The following PFKFB3 variants were observed in gnomAD, a reference collection of about 807,000 sequenced individuals.
The protein encoded by PFKFB3 is 6-phosphofructo-2-kinase/fructose-2,6-biphosphatase 3.
Under a neutral mutation model 68.0 loss-of-function variants are expected in PFKFB3, and 33 were observed. The ratio of observed to expected loss-of-function variants is 0.49; its 90% confidence interval spans 0.37 to 0.65. PFKFB3 has a LOEUF of 0.65. Among genes scored for constraint, PFKFB3 ranks in the 30% least tolerant of loss-of-function variants. The probability of loss-of-function intolerance (pLI) is 0.00; values close to 1 mark genes in which losing one functional copy is unlikely to be tolerated. For missense variants in PFKFB3, 586 were observed against 712.2 expected (o/e 0.82, Z 2.02); for synonymous variants, 315 against 288.2 (o/e 1.09, Z -0.94).
chr10:6,268,380 G>A, the PFKFB3 span, among the ~76,000 whole-genome samples: 1 of 151,956 alleles, frequency 6.6e-6, no homozygotes, highest in African/African-American at 2.4e-5. Flanking sequence ...GGCTAGGCAC[G>A]GTGGCTCATG....
the PFKFB3 span, chr10:6,294,378 C>G: frequency 3.1e-6 from 1 of 319,434 alleles, no homozygotes; most frequent in South Asian, 2.8e-5. Flanking sequence ...GCCTCACAGT[C>G]ATGGTGGAAG....
chr10:6,277,978 A>G, the PFKFB3 span, among the ~76,000 whole-genome samples: 1 of 150,886 alleles, frequency 6.6e-6, no homozygotes, highest in Non-Finnish European at 1.5e-5. Flanking sequence ...GTGCAGTGGC[A>G]CCATCTCTGG....
chr10:6,234,068 G>C lies in PFKFB3; in HGVS notation c.*1126G>C, dbSNP rs568541518. On this transcript the variant is annotated 3_prime_UTR_variant, in exon 15 of 15. Coordinates refer to ENST00000379775, the MANE Select transcript of PFKFB3 (RefSeq NM_004566.4). ...TTTGTCCTGGCCTTCCCTTCATGGC[G>C]TCTATGACACTTTTGTGGTGATGGA... 1 of 152,424 alleles carries C rather than the reference G, an allele frequency of 6.6e-6. No homozygotes were observed. The highest frequency in any genetic ancestry group is 1.5e-5 in the Non-Finnish European group (1 of 68,098). The allele number at this position is 152,424 out of a possible 1,614,324, so 9.4% of individuals were successfully genotyped here.
At chr10:6,225,787 T>C (rs1426904283) in intron 13 of PFKFB3, among the ~76,000 whole-genome samples, 3 of 151,950 alleles carry the variant, frequency 2.0e-5, no homozygotes, top group Non-Finnish European at 2.9e-5. Flanking sequence ...ACAGTTGCCT[T>C]CCCCTCCCCA....
At chr10:6,174,397 G>T (rs544138246) in intron 1 of PFKFB3, among the ~76,000 whole-genome samples, 2 of 152,164 alleles carry the variant, frequency 1.3e-5, no homozygotes, top group African/African-American at 2.4e-5. Flanking sequence ...CGTCTGCCTC[G>T]CGGTGCCCCC....
At chr10:6,212,307 C>T (rs1223093724) in intron 1 of PFKFB3, among the ~76,000 whole-genome samples, 1 of 152,240 alleles carries the variant, frequency 6.6e-6, no homozygotes, top group Non-Finnish European at 1.5e-5. Context: ...CCTCGGCTCC[C>T]AGAACAGGGG....
chr10:6,185,490 G>A (rs890163631), intron 1 of PFKFB3, among the ~76,000 whole-genome samples: 1 of 152,122 alleles, frequency 6.6e-6, no homozygotes, highest in Non-Finnish European at 1.5e-5. Context: ...GCAGAGGGAC[G>A]CCAGGGTCTC....
At chr10:6,145,708 G>C (rs1035367370) in intron 1 of PFKFB3, among the ~76,000 whole-genome samples, 2 of 152,170 alleles carry the variant, frequency 1.3e-5, no homozygotes, top group Non-Finnish European at 2.9e-5. Flanking sequence ...GGCTAGGGAC[G>C]GCCGCGTGAG....
intron 14 of PFKFB3, among the ~76,000 whole-genome samples, chr10:6,227,806 T>G (rs1472938586): frequency 1.3e-5 from 2 of 152,120 alleles, no homozygotes; most frequent in African/African-American, 4.8e-5. Flanking sequence ...TCATACATAT[T>G]CCCTTGCAGG....
intron 14 of PFKFB3, among the ~76,000 whole-genome samples, chr10:6,227,809 C>T (rs1179269708): frequency 1.3e-5 from 2 of 152,212 alleles, no homozygotes; most frequent in Non-Finnish European, 2.9e-5. Flanking sequence ...TACATATTCC[C>T]TTGCAGGTCT....
chr10:6,169,686 CAT>C (rs987442902), intron 1 of PFKFB3, among the ~76,000 whole-genome samples: 22 of 152,232 alleles, frequency 1.4e-4, no homozygotes, highest in African/African-American at 5.3e-4. Context: ...GGCTTACAAA[CAT>C]GTGGAATCTA....
At chr10:6,226,728 A>G (rs892676662) in intron 14 of PFKFB3, among the ~76,000 whole-genome samples, 5 of 152,184 alleles carry the variant, frequency 3.3e-5, no homozygotes, top group African/African-American at 1.2e-4. Context: ...GGTTATTTCT[A>G]AAACAAAGAA....
At chr10:6,238,117 A>G (rs1363873180), downstream of PFKFB3, among the ~76,000 whole-genome samples, 5 of 151,426 alleles carry the variant, frequency 3.3e-5, no homozygotes, top group African/African-American at 9.7e-5. Flanking sequence ...ACTAAAGAGG[A>G]CCCCTGGCGC....
the PFKFB3 span, among the ~76,000 whole-genome samples, chr10:6,271,290 G>A: frequency 6.6e-5 from 10 of 152,350 alleles, 1 homozygote; most frequent in South Asian, 1.4e-3. Context: ...ACCGAAGAGC[G>A]TTACCTTTCA....
chr10:6,258,308 A>G (rs1034640726), downstream of PFKFB3, among the ~76,000 whole-genome samples: 1 of 152,164 alleles, frequency 6.6e-6, no homozygotes, highest in African/African-American at 2.4e-5. Context: ...GGGTGAAGGG[A>G]TCATGGAGAC....
chr10:6,213,102 G>A (rs182607446), intron 1 of PFKFB3, among the ~76,000 whole-genome samples: 18 of 152,300 alleles, frequency 1.2e-4, no homozygotes, highest in Non-Finnish European at 2.9e-5. Context: ...GGAATTTGGG[G>A]TTGGGACTGT....
At chr10:6,151,909 GA>G (rs1450378908) in intron 1 of PFKFB3, among the ~76,000 whole-genome samples, 1 of 151,672 alleles carries the variant, frequency 6.6e-6, no homozygotes, top group East Asian at 2.0e-4. Flanking sequence ...TTGTTTCTCG[GA>G]AGGACAGAAC....
chr10:6,160,718 CA>C (rs538580465), intron 1 of PFKFB3, among the ~76,000 whole-genome samples: 59 of 78,650 alleles, frequency 7.5e-4, no homozygotes, highest in South Asian at 5.8e-3. Flanking sequence ...GACTCTGTCT[CA>C]AAAAAAAAAA....
rs1001015586 is a variant in PFKFB3, at chr10:6,154,785, C to G, written c.16+9772C>G. ...AGAGAGAGTGAATCATGGGTAGCTC[C>G]CCCAGCTGCCTTCTGTCTGATCTGG... On this transcript the variant is annotated intron_variant, in intron 1 of 14. Coordinates refer to the PFKFB3 transcript ENST00000379789. The surrounding 1 kb of genome is among the most constrained non-coding windows in gnomAD (Gnocchi z 4.6). 6.6e-6 allele frequency among the ~76,000 whole-genome samples: 1 copy of G among 152,148 alleles called. No individual in the cohort carries two copies. The highest frequency in any genetic ancestry group is 2.4e-5 in the African/African-American group (1 of 41,430).
Sources: allele counts gnomAD v4.1 joint callset (sites outside exome capture counted in the v4.1 genomes callset), GRCh38; gene constraint gnomAD v4.1.1; non-coding constraint Gnocchi (gnomAD v3.1); transcripts MANE v1.5; gene names NCBI Gene and HGNC (gene_info 2026-07-23, HGNC 2026-07-21).